NEDD4: variants seen among roughly 807,000 people sequenced by gnomAD.
The protein encoded by NEDD4 is E3 ubiquitin-protein ligase NEDD4.
A neutral mutation model predicts 144.9 loss-of-function variants in NEDD4; 99 were observed. The ratio of observed to expected loss-of-function variants is 0.68; its 90% CI spans 0.58 to 0.81. The LOEUF (loss-of-function observed/expected upper bound fraction) is 0.81, where lower values mean the gene tolerates loss of function less well. Among genes scored for constraint, NEDD4 ranks in the 30% least tolerant of loss-of-function variants. The pLI is 0.00. For missense variants in NEDD4, 985 were observed against 1,065.9 expected (o/e 0.92, Z 1.06); for synonymous variants, 318 against 350.6 (o/e 0.91, Z 1.04).
At chr15:55,876,455 G>A (rs1566926946) in intron 5 of NEDD4, among the ~76,000 whole-genome samples, 1 of 151,898 alleles carries the variant, frequency 6.6e-6, no homozygotes, top group Non-Finnish European at 1.5e-5. Context: ...ATATGTAGAT[G>A]TAATAAAAAT....
intron 2 of NEDD4, among the ~76,000 whole-genome samples, chr15:55,963,896 T>C (rs953825709): frequency 2.6e-4 from 39 of 152,320 alleles, no homozygotes; most frequent in African/African-American, 8.2e-4. Flanking sequence ...TCACTGAATA[T>C]AAAACTATGG....
chr15:55,932,369 T>A (rs945685560), intron 4 of NEDD4, among the ~76,000 whole-genome samples: 3 of 152,016 alleles, frequency 2.0e-5, no homozygotes, highest in Admixed American at 2.0e-4. Flanking sequence ...ATACCACACA[T>A]CTACAACCAT....
intron 2 of NEDD4, among the ~76,000 whole-genome samples, chr15:55,965,127 T>C (rs187266721): frequency 1.4e-3 from 206 of 152,330 alleles, no homozygotes; most frequent in African/African-American, 9.4e-4. Context: ...AATTCTGTTA[T>C]AGCAACACTA....
chr15:55,978,883 G>T (rs553789638), intron 1 of NEDD4, among the ~76,000 whole-genome samples: 8 of 140,974 alleles, frequency 5.7e-5, no homozygotes, highest in African/African-American at 1.8e-4. Flanking sequence ...CACAATTCAT[G>T]AAGACATCTA....
At chr15:55,874,579 A>C (rs1364711056) in intron 5 of NEDD4, among the ~76,000 whole-genome samples, 1 of 152,248 alleles carries the variant, frequency 6.6e-6, no homozygotes, top group African/African-American at 2.4e-5. Context: ...TGAACAAGTG[A>C]AAATCAACAG....
intron 21 of NEDD4, among the ~76,000 whole-genome samples, chr15:55,839,164 G>A (rs1287401743): frequency 6.6e-6 from 1 of 151,816 alleles, no homozygotes; most frequent in African/African-American, 2.4e-5. Context: ...AAGTAGCTGG[G>A]ACTACAGGCG....
intron 4 of NEDD4, among the ~76,000 whole-genome samples, chr15:55,927,609 G>A (rs1011652091): frequency 6.6e-6 from 1 of 152,302 alleles, no homozygotes; most frequent in African/African-American, 2.4e-5. Context: ...AGTTAGGGTA[G>A]AGCCAGGATG....
At position 55,838,207 on chromosome 15, in the gene NEDD4, T is replaced by C. The variant is rs780443357; in HGVS notation, c.2128-27A>G. On this transcript the variant is annotated intron_variant, in intron 22 of 28. Coordinates refer to ENST00000435532, the MANE Select transcript of NEDD4 (RefSeq NM_006154.4). ...TAAAATTAAACACAATAACTTGATA[T>C]GTTATTTTAGCGAGAAAAATTTAAA... The C allele has an allele frequency of 4.0e-6, 6 of 1,490,572 alleles. No homozygotes were observed. In the South Asian group the frequency reaches 7.5e-5, roughly 19 times the overall value. 92.3% of individuals were successfully genotyped at this position (1,490,572 alleles called of 1,614,324 possible). A position where few individuals can be genotyped will look rare whatever the true frequency, so the allele number is the denominator to read the frequency against.
At chr15:55,910,174 A>G (rs1203283494) in intron 5 of NEDD4, among the ~76,000 whole-genome samples, 1 of 152,190 alleles carries the variant, frequency 6.6e-6, no homozygotes, top group Non-Finnish European at 1.5e-5. Context: ...CTGTATAACA[A>G]TAACTACATA....
intron 11 of NEDD4, among the ~76,000 whole-genome samples, chr15:55,857,998 G>A (rs1363108138): frequency 6.6e-6 from 1 of 152,130 alleles, no homozygotes; most frequent in East Asian, 1.9e-4. Flanking sequence ...CTCTTCAGAG[G>A]CAAGCAAAGT....
At chr15:55,943,443 G>A (rs754960543) in intron 4 of NEDD4, among the ~76,000 whole-genome samples, 13 of 152,152 alleles carry the variant, frequency 8.5e-5, no homozygotes, top group Non-Finnish European at 1.8e-4. Flanking sequence ...TTGGGACACT[G>A]CTCTCTGAGT....
chr15:55,883,728 G>T (rs1055452427), intron 5 of NEDD4, among the ~76,000 whole-genome samples: 2 of 146,030 alleles, frequency 1.4e-5, no homozygotes, highest in Non-Finnish European at 3.0e-5. Context: ...CACACACACA[G>T]AAAGAGAAAG....
intron 1 of NEDD4, among the ~76,000 whole-genome samples, chr15:55,985,756 C>T (rs1337229199): frequency 1.8e-5 from 2 of 110,686 alleles, no homozygotes; most frequent in Non-Finnish European, 3.6e-5. Context: ...GTGTAGAGTA[C>T]ACATACACAC....
intron 2 of NEDD4, among the ~76,000 whole-genome samples, chr15:55,966,146 C>T (rs2037509078): frequency 6.6e-6 from 1 of 152,212 alleles, no homozygotes; most frequent in Admixed American, 6.5e-5. Flanking sequence ...TCTCCACTGC[C>T]TTCAGGTTGC....
intron 5 of NEDD4, among the ~76,000 whole-genome samples, chr15:55,918,149 G>C (rs2036498486): frequency 6.6e-6 from 1 of 152,052 alleles, no homozygotes; most frequent in African/African-American, 2.4e-5. Context: ...CCCTACCCTA[G>C]AGGTGGAATT....
Position 55,842,123 on chromosome 15 carries a change from G to T in NEDD4, c.1649C>A (p.Ala550Glu), listed in dbSNP as rs780226262. 2.2e-5 allele frequency: 36 copies of T among 1,614,000 alleles called. No individual in the cohort carries two copies. In the South Asian group the frequency reaches 3.6e-4, roughly 16 times the overall value. The part of the protein sequence containing the change: ...PNKFEMKLRR[A>E]TVLEDSYRRI... ...CCGGTAAGAGTCTTCAAGAACAGTTGCTCGGCGAAGTTTCATTTCAAATTT... is the reference window on the plus strand; with the variant it reads ...CCGGTAAGAGTCTTCAAGAACAGTTTCTCGGCGAAGTTTCATTTCAAATTT... Residue 550 changes from alanine (A) to glutamate (E), a missense_variant, in exon 19 of 29, where the codon GCA becomes GAA. By Grantham distance (107) the Ala-to-Glu change is moderately radical. Transcript: ENST00000435532.
intron 18 of NEDD4, 72 bp downstream of exon 18, chr15:55,846,897 T>TA: frequency 2.0e-6 from 2 of 992,782 alleles, no homozygotes; most frequent in Non-Finnish European, 3.1e-6. Context: ...ATTATTACTG[T>TA]AAAAAACATT....
At chr15:55,886,272 T>G (rs1187875765) in intron 5 of NEDD4, among the ~76,000 whole-genome samples, 1 of 152,188 alleles carries the variant, frequency 6.6e-6, no homozygotes, top group Non-Finnish European at 1.5e-5. Context: ...ACATCACACT[T>G]TCAGCATTGG....
chr15:55,831,277 C>A (rs2032938269), intron 27 of NEDD4, among the ~76,000 whole-genome samples: 1 of 152,184 alleles, frequency 6.6e-6, no homozygotes, highest in African/African-American at 2.4e-5. Context: ...TTTGAAATAA[C>A]TTCTTCCTAT....
Sources: gnomAD v4.1 joint callset for allele counts (sites outside exome capture counted in the v4.1 genomes callset) on GRCh38, gnomAD v4.1.1 for gene constraint, MANE v1.5 for transcripts, NCBI Gene and HGNC (gene_info 2026-07-23, HGNC 2026-07-21) for gene names.